PCDHA2: variants seen among roughly 807,000 people sequenced by gnomAD.
The protein encoded by PCDHA2 is protocadherin alpha-2.
A neutral mutation model predicts 66.0 loss-of-function variants in PCDHA2; 58 were observed. The ratio of observed to expected loss-of-function variants is 0.88; its 90% CI spans 0.71 to 1.09. The LOEUF is 1.09. Ranked by LOEUF, PCDHA2 falls within the 50% of genes least tolerant of loss-of-function variation. PCDHA2 has a pLI of 0.00. For synonymous variants in PCDHA2, 634 were observed against 554.0 expected (o/e 1.14, Z -2.03); for missense variants, 1,267 against 1,242.3 (o/e 1.02, Z -0.30).
rs1229783262 is a variant in PCDHA2 at position 140,850,596 on chromosome 5, A to G, written c.2388+53244A>G. ...GCTGGTGGATGTCAACGTGTACCTG[A>G]TCATCGCCATCTGCGCGGTGTCTAG... On this transcript the variant is annotated intron_variant, in intron 1 of 3. Coordinates refer to ENST00000526136, the MANE Select transcript of PCDHA2 (RefSeq NM_018905.3). 2 of 1,598,308 alleles carry G rather than the reference A, an allele frequency of 1.3e-6. 1 individual carries two copies. The highest frequency in any genetic ancestry group is 1.7e-6 in the Non-Finnish European group (2 of 1,167,786).
intron 1 of PCDHA2, chr5:140,967,400 C>T: frequency 6.2e-7 from 1 of 1,611,718 alleles, no homozygotes; most frequent in South Asian, 1.1e-5. Context: ...GCTGGTGCTG[C>T]GTAAGGGCCT....
At position 140,835,897 on chromosome 5, in the gene PCDHA2, C is replaced by G. The variant is rs2150247732; in HGVS notation, c.2388+38545C>G. The G allele has an allele frequency of 2.6e-5, 42 of 1,611,960 alleles. No homozygotes were observed. Among genetic ancestry groups the G allele is most frequent in the Middle Eastern group, 4.0e-4 (2 of 4,944 alleles). On this transcript the variant is annotated intron_variant, in intron 1 of 3. Coordinates refer to ENST00000526136, the MANE Select transcript of PCDHA2 (RefSeq NM_018905.3). ...CTGCGGGTGGGCGAGCGCGCGCTGT[C>G]GAGCTACGTGTCAGTGCACGCGGAG...
At chr5:140,801,052 C>T (rs782646733) in intron 1 of PCDHA2, 1 of 1,440,518 alleles carries the variant, frequency 6.9e-7, no homozygotes, top group Non-Finnish European at 9.1e-7. Context: ...GAAATAACAG[C>T]GTGCATTACG....
At chr5:140,937,982 A>G (rs1227498616) in intron 1 of PCDHA2, among the ~76,000 whole-genome samples, 1 of 151,926 alleles carries the variant, frequency 6.6e-6, no homozygotes, top group Non-Finnish European at 1.5e-5. Flanking sequence ...TACTGATTTT[A>G]TGTTAACTTT....
At chr5:140,822,627 T>C in intron 1 of PCDHA2, 1 of 1,611,408 alleles carries the variant, frequency 6.2e-7, no homozygotes, top group South Asian at 1.1e-5. Flanking sequence ...GTAATCTTGT[T>C]CTTGACGATG....
At chr5:140,999,894 G>A (rs1260070986) in intron 3 of PCDHA2, among the ~76,000 whole-genome samples, 3 of 152,096 alleles carry the variant, frequency 2.0e-5, no homozygotes, top group African/African-American at 7.2e-5. Flanking sequence ...TGTAGCTTGG[G>A]ACACCAAACA....
chr5:140,999,987 G>T (rs1033618024), intron 3 of PCDHA2, among the ~76,000 whole-genome samples: 6 of 152,042 alleles, frequency 3.9e-5, no homozygotes, highest in Non-Finnish European at 7.4e-5. Context: ...CGGCCTCTGG[G>T]TAGTGGTATT....
At chr5:140,895,267 T>G (rs2064938299) in intron 1 of PCDHA2, among the ~76,000 whole-genome samples, 1 of 152,162 alleles carries the variant, frequency 6.6e-6, no homozygotes. Flanking sequence ...TTTTTCTTAC[T>G]CAGGGATAAT....
chr5:140,941,214 C>CTTTCTTTCTTT (rs1554214039), intron 1 of PCDHA2, among the ~76,000 whole-genome samples: 7,707 of 122,054 alleles, frequency 0.063, 376 homozygotes, highest in South Asian at 0.093. Context: ...TTTCTTTCTT[C>CTTTCTTTCTTT]CTTTCTTTCT....
intron 1 of PCDHA2, chr5:140,855,890 A>C (rs1314408448): frequency 2.8e-5 from 28 of 999,762 alleles, no homozygotes; most frequent in African/African-American, 2.3e-4. Context: ...TTTAGAACAA[A>C]GGCATCAGCC....
Position 140,828,776 on chromosome 5 carries a change from C to T in PCDHA2, c.2388+31424C>T, listed in dbSNP as rs200187130. ...TGAGCTCACAGGCACTGTTCAGCTG[C>T]TGGTCACAGTGCTGGATGTGAATGA... On this transcript the variant is annotated intron_variant, in intron 1 of 3. Transcript: ENST00000526136. 318 of 1,614,178 alleles carry T rather than the reference C, an allele frequency of 2.0e-4. No homozygotes were observed. The East Asian group carries it at 7.0e-3, about 35-fold the overall frequency.
At position 140,946,014 on chromosome 5, in the gene PCDHA2, C is replaced by T. The variant is rs116323983; in HGVS notation, c.2389-32935C>T. On this transcript the variant is annotated intron_variant, in intron 1 of 3. Coordinates refer to ENST00000526136, the MANE Select transcript of PCDHA2 (RefSeq NM_018905.3). ...ATTGCATCAAACTAAAAAGCTCCTG[C>T]GCAGCAAAGAAAACAAGAGTGAAGG... Among the ~76,000 whole-genome samples, 849 of 151,986 alleles carry T rather than the reference C, an allele frequency of 5.6e-3. 7 individuals carry two copies. The highest frequency in any genetic ancestry group is 0.02 in the African/African-American group (814 of 41,504).
intron 1 of PCDHA2, chr5:140,806,976 G>C: frequency 1.6e-6 from 1 of 628,622 alleles, no homozygotes; most frequent in South Asian, 2.1e-5. Flanking sequence ...GCTACTTACG[G>C]TTTGGAGCCA....
chr5:140,848,365 A>T, intron 1 of PCDHA2: 1 of 1,070,202 alleles, frequency 9.3e-7, no homozygotes, highest in Non-Finnish European at 1.4e-6. Flanking sequence ...CATGGGAAAG[A>T]GGCTCAATTC....
intron 1 of PCDHA2, among the ~76,000 whole-genome samples, chr5:140,837,663 C>A (rs1159426304): frequency 6.6e-6 from 1 of 150,710 alleles, no homozygotes; most frequent in Non-Finnish European, 1.5e-5. Context: ...CTTTTTCTTT[C>A]ATTCTTTTTC....
chr5:140,953,960 A>G (rs2153700982), intron 1 of PCDHA2, among the ~76,000 whole-genome samples: 1 of 152,088 alleles, frequency 6.6e-6, no homozygotes, highest in South Asian at 2.1e-4. Flanking sequence ...AACAGGCCCC[A>G]GTGTGTGTTG....
At position 140,796,008 on chromosome 5, in the gene PCDHA2, A is replaced by G. The variant is rs782477722; in HGVS notation, c.1044A>G (p.Pro348=). 15 of 1,614,054 alleles carry G rather than the reference A, an allele frequency of 9.3e-6. No individual in the cohort carries two copies. In the Middle Eastern group the frequency reaches 4.9e-4, roughly 53 times the overall value. Residue 348 remains proline, a synonymous_variant, in exon 1 of 4, where the codon CCA becomes CCG. Transcript: ENST00000526136. Reference sequence around the variant, plus strand: ...TTGTGGACATCAATGATAACACACCAGAAGTCTCAATAACGTCTCTCTCAC... The same window carrying G: ...TTGTGGACATCAATGATAACACACCGGAAGTCTCAATAACGTCTCTCTCAC... The part of the protein sequence containing the change: ...LKLVDINDNT[P]EVSITSLSLP...
Position 140,850,778 on chromosome 5 carries a change from C to T in PCDHA2, c.2388+53426C>T, listed in dbSNP as rs2150497829. On this transcript the variant is annotated intron_variant, in intron 1 of 3. Coordinates refer to ENST00000526136, the MANE Select transcript of PCDHA2 (RefSeq NM_018905.3). ...AGAGGAGGCAGAGGGTGTGCTCTGGCGAGGGTAAGCAGAAGACCGACCTCA... is the reference window on the plus strand; with the variant it reads ...AGAGGAGGCAGAGGGTGTGCTCTGGTGAGGGTAAGCAGAAGACCGACCTCA... 6 of 1,597,938 alleles carry T rather than the reference C, an allele frequency of 3.8e-6. No individual in the cohort carries two copies. The East Asian group carries it at 1.1e-4, about 30-fold the overall frequency.
intron 1 of PCDHA2, chr5:140,870,871 G>T (rs1257856778): frequency 1.2e-6 from 2 of 1,613,826 alleles, no homozygotes; most frequent in African/African-American, 2.7e-5. Context: ...GGGCCACGTG[G>T]TGGCGAAGGT....
Sources: allele counts gnomAD v4.1 joint callset (sites outside exome capture counted in the v4.1 genomes callset), GRCh38; gene constraint gnomAD v4.1.1; transcripts MANE v1.5; gene names NCBI Gene and HGNC (gene_info 2026-07-23, HGNC 2026-07-21).